CENPP: variants seen among roughly 807,000 people sequenced by gnomAD.
CENPP encodes centromere protein P.
A neutral mutation model predicts 35.6 loss-of-function variants in CENPP; 24 were observed. That is an observed-to-expected ratio of 0.67 (90% CI 0.49 to 0.95). The LOEUF is 0.95. CENPP is among the 40% of genes least tolerant of loss of function. The pLI is 0.00. For missense variants in CENPP, 332 were observed against 345.3 expected, an observed-to-expected ratio of 0.96 and a Z score of 0.31; for synonymous variants, 120 against 125.5, an observed-to-expected ratio of 0.96 and a Z score of 0.29.
intron 2 of CENPP, among the ~76,000 whole-genome samples, chr9:92,336,919 AC>A (rs1045673082): frequency 1.3e-5 from 2 of 152,234 alleles, no homozygotes; most frequent in Admixed American, 1.3e-4. Context: ...GCCTTTAAGT[AC>A]TAGATAGTGT....
At chr9:92,409,098 A>G (rs1230563624) in intron 5 of CENPP, among the ~76,000 whole-genome samples, 1 of 152,252 alleles carries the variant, frequency 6.6e-6, no homozygotes, top group Non-Finnish European at 1.5e-5. Context: ...TCAGTAGTAC[A>G]TAAATCTCTG....
chr9:92,499,840 C>T (rs376074137), intron 5 of CENPP, among the ~76,000 whole-genome samples: 2 of 152,070 alleles, frequency 1.3e-5, no homozygotes, highest in African/African-American at 4.8e-5. Context: ...TTATTGTCTC[C>T]CTCACTGCCA....
chr9:92,517,363 G>T, intron 5 of CENPP: 1 of 505,026 alleles, frequency 2.0e-6, no homozygotes, highest in East Asian at 3.5e-5. Flanking sequence ...GACCAAAGCA[G>T]AGCCCTTAAT....
intron 5 of CENPP, among the ~76,000 whole-genome samples, chr9:92,471,228 G>T (rs1433767556): frequency 6.7e-6 from 1 of 148,536 alleles, no homozygotes; most frequent in African/African-American, 2.5e-5. Context: ...ATGGAGTCTC[G>T]CTCTGTTGCC....
rs548535529 is a variant in CENPP at position 92,371,312 on chromosome 9, C to T, written c.468-8451C>T. Among the ~76,000 whole-genome samples the T allele has an allele frequency of 8.5e-5, 13 of 152,186 alleles. 1 individual carries two copies. The highest frequency in any genetic ancestry group is 6.5e-4 in the Admixed American group (10 of 15,284). ...TCACTGATTTTGCTATGGTGTGTTT[C>T]CATTTTTACTTATTTCAAGGAATTT... On this transcript the variant is annotated intron_variant, in intron 4 of 7. Transcript: ENST00000375587.
At chr9:92,436,972 G>C (rs1844260135) in intron 5 of CENPP, among the ~76,000 whole-genome samples, 1 of 152,118 alleles carries the variant, frequency 6.6e-6, no homozygotes, top group African/African-American at 2.4e-5. Flanking sequence ...GGCCAAGGCG[G>C]GCAGATCACT....
chr9:92,403,676 T>C, intron 5 of CENPP: 1 of 1,048,718 alleles, frequency 9.5e-7, no homozygotes. Flanking sequence ...CTATCAGAAA[T>C]TCAAGAAAGA....
chr9:92,330,688 G>GTTTT (rs11396197), intron 1 of CENPP, among the ~76,000 whole-genome samples: 19 of 121,268 alleles, frequency 1.6e-4, no homozygotes, highest in East Asian at 2.4e-4. Context: ...TCTTTTCTTT[G>GTTTT]TTTTTTTTTT....
intron 5 of CENPP, chr9:92,417,155 C>T (rs190989996): frequency 1.1e-5 from 17 of 1,613,672 alleles, no homozygotes; most frequent in East Asian, 6.7e-5. Flanking sequence ...AGCAAACACA[C>T]CATAATCAAT....
rs1851436676 is a variant in CENPP at position 92,616,388 on chromosome 9, T to C, written c.*3239T>C. On this transcript the variant is annotated 3_prime_UTR_variant, in exon 8 of 8. Coordinates refer to ENST00000375587, the MANE Select transcript of CENPP (RefSeq NM_001012267.3). ...AAGGACTGAAAGATGGAAAAGTAAT[T>C]ATGTGGAACATGTGAGCGATGTTCC... 4.4e-6 allele frequency: 1 copy of C among 226,642 alleles called. No homozygotes were observed. The highest frequency in any genetic ancestry group is 2.3e-5 in the African/African-American group (1 of 43,894). The allele number at this position is 226,642 out of a possible 1,614,324, so 14.0% of individuals were successfully genotyped here. A position where few individuals can be genotyped will look rare whatever the true frequency, so the allele number is the denominator to read the frequency against.
intron 5 of CENPP, among the ~76,000 whole-genome samples, chr9:92,566,130 G>A (rs534417608): frequency 5.3e-5 from 8 of 151,888 alleles, no homozygotes; most frequent in East Asian, 1.9e-4. Flanking sequence ...GTGAAACCCC[G>A]TCTCTACTAA....
At chr9:92,432,327 A>G (rs1844132368) in intron 5 of CENPP, among the ~76,000 whole-genome samples, 1 of 149,334 alleles carries the variant, frequency 6.7e-6, no homozygotes. Context: ...CTCCATCTCA[A>G]AAAAAAAAAG....
intron 4 of CENPP, among the ~76,000 whole-genome samples, chr9:92,356,109 A>G (rs1158953880): frequency 6.6e-6 from 1 of 152,184 alleles, no homozygotes; most frequent in Non-Finnish European, 1.5e-5. Flanking sequence ...AAATATATGG[A>G]AGTAAACTAA....
intron 5 of CENPP, among the ~76,000 whole-genome samples, chr9:92,506,438 T>C (rs2131172559): frequency 6.6e-6 from 1 of 152,276 alleles, no homozygotes; most frequent in Non-Finnish European, 1.5e-5. Flanking sequence ...CCAGGTCAAA[T>C]GGAAGTTCTG....
chr9:92,491,585 G>T (rs1327155441), intron 5 of CENPP, among the ~76,000 whole-genome samples: 1 of 151,998 alleles, frequency 6.6e-6, no homozygotes, highest in Non-Finnish European at 1.5e-5. Context: ...TGTCTTGCCT[G>T]ACCCCCATGG....
chr9:92,495,768 G>C, intron 5 of CENPP: 1 of 942,930 alleles, frequency 1.1e-6, no homozygotes, highest in Non-Finnish European at 1.3e-6. Context: ...TTTTACACAT[G>C]TAATTAATGG....
intron 5 of CENPP, among the ~76,000 whole-genome samples, chr9:92,461,231 C>G (rs2147058): frequency 6.6e-6 from 1 of 152,130 alleles, no homozygotes; most frequent in African/African-American, 2.4e-5. Context: ...TTAGATGTCT[C>G]TAACTGATAA....
At chr9:92,360,669 C>T (rs1246867947) in intron 4 of CENPP, among the ~76,000 whole-genome samples, 4 of 151,902 alleles carry the variant, frequency 2.6e-5, no homozygotes, top group African/African-American at 7.2e-5. Context: ...AATAGTTTGT[C>T]ATATTTCTCC....
At position 92,502,607 on chromosome 9, in the gene CENPP, A is replaced by G. The variant is rs369347015; in HGVS notation, c.565-108707A>G. ...TTGATCTTTCTGGTATGATTGAAAC[A>G]AATTTCAGTTATTTCTTCAATTTGG... On this transcript the variant is annotated intron_variant, in intron 5 of 7. Transcript: ENST00000375587. The G allele has an allele frequency of 1.9e-6, 3 of 1,604,666 alleles. No homozygotes were observed. In the African/African-American group the frequency reaches 4.0e-5, roughly 22 times the overall value.
Sources: gnomAD v4.1 joint callset for allele counts (sites outside exome capture counted in the v4.1 genomes callset) on GRCh38, gnomAD v4.1.1 for gene constraint, MANE v1.5 for transcripts, NCBI Gene and HGNC (gene_info 2026-07-23, HGNC 2026-07-21) for gene names.